Variants in SLC25A15 observed in about 807,000 individuals in gnomAD.
SLC25A15 encodes mitochondrial ornithine transporter 1.
A neutral mutation model predicts 32.3 loss-of-function variants in SLC25A15; 24 were observed. The observed-to-expected ratio is 0.74, with a 90% CI of 0.54 to 1.04. The LOEUF (loss-of-function observed/expected upper bound fraction) is 1.04. Among genes scored for constraint, SLC25A15 ranks in the 50% least tolerant of loss-of-function variants. SLC25A15 has a pLI of 0.00. For synonymous variants in SLC25A15, 132 were observed against 142.1 expected, an observed-to-expected ratio of 0.93 and a Z score of 0.51; for missense variants, 317 against 374.5, an observed-to-expected ratio of 0.85 and a Z score of 1.27.
rs1882419012 is a variant in SLC25A15 at position 40,810,883 on chromosome 13, C to T, written c.*1216C>T. ...GTCCTGGCCTGGGGCCATCAATCCA[C>T]TTTGGGCCACTCACTGTCTGCTCTG... is the stretch of plus-strand genomic sequence containing the variant. On this transcript the variant is annotated 3_prime_UTR_variant, in exon 7 of 7. Transcript: ENST00000338625. 1 of 534,330 alleles carries T rather than the reference C, an allele frequency of 1.9e-6. No individual in the cohort carries two copies. Among genetic ancestry groups the T allele is most frequent in the Non-Finnish European group, 3.8e-6 (1 of 260,038 alleles). 33.1% of individuals were successfully genotyped at this position (534,330 alleles called of 1,614,324 possible).
In SLC25A15 at chr13:40,805,167, C is replaced by T; in HGVS notation, c.364C>T (p.Leu122=). Residue 122 remains leucine (L), a synonymous_variant, in exon 4 of 7, where the codon CTG becomes TTG. Coordinates refer to ENST00000338625, the MANE Select transcript of SLC25A15 (RefSeq NM_014252.4). ...TTCCTTCGCCTCTGCCTTTGCTGCA[C>T]TGGTGCTCTGCCCCACGGAGCTCGT... ...AGSFASAFAA[L]VLCPTELVKC... 6.2e-7 allele frequency: 1 copy of T among 1,614,220 alleles called. No individual in the cohort carries two copies. Among genetic ancestry groups the T allele is most frequent in the Non-Finnish European group, 8.5e-7 (1 of 1,180,046 alleles).
chr13:40,808,475 G>T lies in SLC25A15; in HGVS notation c.660G>T (p.Gly220=). ...TGATGTTAAGTGGTGGAGTTGGTGG[G>T]ATTTGCCTCTGGCTTGCGGTATACC... is the stretch of plus-strand genomic sequence containing the variant. The part of the protein sequence containing the change: ...VPLMLSGGVG[G]ICLWLAVYPV... Residue 220 remains glycine, a synonymous_variant, in exon 6 of 7, where the codon GGG becomes GGT. Transcript: ENST00000338625. 6.2e-7 allele frequency: 1 copy of T among 1,613,566 alleles called. No individual in the cohort carries two copies. The highest frequency in any genetic ancestry group is 8.5e-7 in the Non-Finnish European group (1 of 1,179,966).
intron 2 of SLC25A15, chr13:40,798,625 G>A (rs1164480628): frequency 7.9e-6 from 2 of 251,790 alleles, no homozygotes; most frequent in Admixed American, 6.5e-5. Flanking sequence ...TACTGATTAC[G>A]TAGCCGGTGC....
intron 2 of SLC25A15, 95 bp from the exon 3 acceptor site, chr13:40,798,962 C>T: frequency 6.2e-7 from 1 of 1,610,148 alleles, no homozygotes. Flanking sequence ...TGAACCGAAG[C>T]AGGGGTAAGT....
Position 40,791,121 on chromosome 13 carries a change from T to C in SLC25A15, c.-70+1458T>C, listed in dbSNP as rs573752760. The stretch of plus-strand genomic sequence containing the variant: ...CAAAAATATAGGGTTGGGTGTTTTG[T>C]GTTGCCTTTGGCCAGGTTGAAATAC... On this transcript the variant is annotated intron_variant, in intron 1 of 6. Coordinates refer to ENST00000338625, the MANE Select transcript of SLC25A15 (RefSeq NM_014252.4). Among the ~76,000 whole-genome samples the C allele has an allele frequency of 2.0e-5, 3 of 152,016 alleles. 1 individual carries two copies. The South Asian group carries it at 6.2e-4, about 32-fold the overall frequency.
At chr13:40,808,884 G>A (rs555249909) in intron 6 of SLC25A15, among the ~76,000 whole-genome samples, 1 of 136,906 alleles carries the variant, frequency 7.3e-6, no homozygotes, top group Non-Finnish European at 1.5e-5. Context: ...GCAGTGAGCT[G>A]AGATTGCACC....
At chr13:40,805,750 C>T (rs1009964707) in intron 4 of SLC25A15, among the ~76,000 whole-genome samples, 1 of 152,228 alleles carries the variant, frequency 6.6e-6, no homozygotes, top group Non-Finnish European at 1.5e-5. Context: ...GCAGATGGCC[C>T]AAGTTCTGAG....
chr13:40,793,069 C>A, intron 1 of SLC25A15, 89 bp from the exon 2 acceptor site: 1 of 743,054 alleles, frequency 1.3e-6, no homozygotes, highest in Non-Finnish European at 2.4e-6. Context: ...TCATGGCTCC[C>A]AGAAGTTTAG....
chr13:40,792,314 T>C (rs1881536102), intron 1 of SLC25A15, among the ~76,000 whole-genome samples: 1 of 152,142 alleles, frequency 6.6e-6, no homozygotes, highest in South Asian at 2.1e-4. Context: ...AGTGTGAGTC[T>C]GTGGACTGGC....
chr13:40,803,171 C>T (rs990979611), intron 3 of SLC25A15, among the ~76,000 whole-genome samples: 39 of 151,956 alleles, frequency 2.6e-4, no homozygotes, highest in African/African-American at 7.7e-4. Context: ...ACCAGGAACT[C>T]GCAGAGAAGC....
chr13:40,809,054 T>C (rs1882330313), intron 6 of SLC25A15, among the ~76,000 whole-genome samples: 2 of 152,138 alleles, frequency 1.3e-5, no homozygotes, highest in Non-Finnish European at 2.9e-5. Flanking sequence ...CTGTTACTCA[T>C]AGTAATCCTC....
At chr13:40,803,137 G>C (rs548556373) in intron 3 of SLC25A15, among the ~76,000 whole-genome samples, 2 of 152,022 alleles carry the variant, frequency 1.3e-5, no homozygotes, top group Admixed American at 1.3e-4. Flanking sequence ...GGCTGGAAGG[G>C]ATCTTCTATC....
chr13:40,794,340 CAAA>C (rs148747444), intron 2 of SLC25A15, among the ~76,000 whole-genome samples: 5 of 87,866 alleles, frequency 5.7e-5, no homozygotes, highest in Non-Finnish European at 2.4e-5. Flanking sequence ...AACTCTGTCT[CAAA>C]AAAAAAAAAA....
intron 1 of SLC25A15, among the ~76,000 whole-genome samples, chr13:40,792,166 T>C (rs1472425191): frequency 6.6e-6 from 1 of 152,198 alleles, no homozygotes; most frequent in African/African-American, 2.4e-5. Context: ...AATTCTAGTT[T>C]TCCCAAATGC....
chr13:40,798,734 C>T, intron 2 of SLC25A15: 8 of 984,548 alleles, frequency 8.1e-6, no homozygotes, highest in African/African-American at 3.5e-5. Context: ...CATGGCTTGT[C>T]CAGGATCTCA....
intron 4 of SLC25A15, among the ~76,000 whole-genome samples, chr13:40,805,773 T>G (rs1424843867): frequency 6.6e-6 from 1 of 152,238 alleles, no homozygotes; most frequent in Non-Finnish European, 1.5e-5. Flanking sequence ...CATTAATCAA[T>G]ACTTTTATAA....
At chr13:40,799,017 T>C in intron 2 of SLC25A15, 40 bp from the exon 3 acceptor site, 1 of 1,614,142 alleles carries the variant, frequency 6.2e-7, no homozygotes, top group South Asian at 1.1e-5. Flanking sequence ...ATAATGGAAC[T>C]GTAGCCTCGT....
At position 40,789,642 on chromosome 13, in the gene SLC25A15, A is replaced by G. The variant is rs1881410592; in HGVS notation, c.-91A>G. 1 of 150,794 alleles carries G rather than the reference A, an allele frequency of 6.6e-6. No homozygotes were observed. Among genetic ancestry groups the G allele is most frequent in the Non-Finnish European group, 1.5e-5 (1 of 67,538 alleles). The allele number at this position is 150,794 out of a possible 1,614,324, so 9.3% of individuals were successfully genotyped here. A position where few individuals can be genotyped will look rare whatever the true frequency, so the allele number is the denominator to read the frequency against. On this transcript the variant is annotated 5_prime_UTR_variant, in exon 1 of 7. Coordinates refer to ENST00000338625, the MANE Select transcript of SLC25A15 (RefSeq NM_014252.4). ...GAGCGGGCGGCGGAGCCTGAGCTGGACGCGGCCACGCCGGCGCGGCGGTGA... is the reference window on the plus strand; with the variant it reads ...GAGCGGGCGGCGGAGCCTGAGCTGGGCGCGGCCACGCCGGCGCGGCGGTGA...
intron 2 of SLC25A15, among the ~76,000 whole-genome samples, chr13:40,794,858 T>C (rs1881620326): frequency 6.7e-6 from 1 of 148,688 alleles, no homozygotes; most frequent in South Asian, 2.1e-4. Flanking sequence ...ATTTGCTCAA[T>C]TGTGAAAAAG....
Sources: allele counts gnomAD v4.1 joint callset (sites outside exome capture counted in the v4.1 genomes callset), GRCh38; gene constraint gnomAD v4.1.1; transcripts MANE v1.5; gene names NCBI Gene and HGNC (gene_info 2026-07-23, HGNC 2026-07-21).